ENTPD1: variants seen among roughly 807,000 people sequenced by gnomAD.
ENTPD1 encodes ATP diphosphohydrolase.
ENTPD1 carries 33 observed loss-of-function variants against 57.0 expected under a neutral mutation model. That is an observed-to-expected ratio of 0.58 (90% confidence interval 0.44 to 0.77). The LOEUF (loss-of-function observed/expected upper bound fraction) is 0.77. ENTPD1 is among the 30% of genes least tolerant of loss of function. ENTPD1 has a pLI of 0.00. For missense variants in ENTPD1, 501 were observed against 603.4 expected (o/e 0.83, Z 1.78); for synonymous variants, 202 against 218.8 (o/e 0.92, Z 0.68).
chr10:95,808,722 T>TG (rs1214662416), intron 1 of ENTPD1, among the ~76,000 whole-genome samples: 8 of 147,328 alleles, frequency 5.4e-5, no homozygotes, highest in Non-Finnish European at 1.2e-4. Context: ...TTTAGTTGCT[T>TG]TTTTTTTTTT....
At chr10:95,813,177 T>A (rs2098315070) in intron 1 of ENTPD1, among the ~76,000 whole-genome samples, 1 of 152,134 alleles carries the variant, frequency 6.6e-6, no homozygotes, top group African/African-American at 2.4e-5. Context: ...TTGGGAAGTA[T>A]AGCCTCCAGT....
chr10:95,733,873 A>G (rs2139856654), intron 1 of ENTPD1, among the ~76,000 whole-genome samples: 1 of 152,316 alleles, frequency 6.6e-6, no homozygotes, highest in East Asian at 1.9e-4. Context: ...TCCCTAAAGC[A>G]ATAAGGTAAT....
chr10:95,820,363 T>A (rs913879160), intron 1 of ENTPD1, among the ~76,000 whole-genome samples: 1 of 152,194 alleles, frequency 6.6e-6, no homozygotes, highest in African/African-American at 2.4e-5. Flanking sequence ...ATATCTTTAA[T>A]AAGAAATAAG....
chr10:95,787,370 A>T (rs2098184216), intron 1 of ENTPD1, among the ~76,000 whole-genome samples: 1 of 152,176 alleles, frequency 6.6e-6, no homozygotes, highest in South Asian at 2.1e-4. Context: ...GCTTGGAAGG[A>T]TGGGCCTACT....
intron 2 of ENTPD1, among the ~76,000 whole-genome samples, chr10:95,826,115 TG>T (rs529416411): frequency 1.0e-3 from 156 of 152,310 alleles, no homozygotes; most frequent in African/African-American, 3.6e-3. Context: ...GCTTACCATC[TG>T]GGGAAGCAAA....
At chr10:95,864,251 G>A (rs951337159) in intron 8 of ENTPD1, among the ~76,000 whole-genome samples, 1 of 152,194 alleles carries the variant, frequency 6.6e-6, no homozygotes, top group Non-Finnish European at 1.5e-5. Flanking sequence ...TTGGGATGCA[G>A]ATTCTGAATT....
rs2098384625 is a variant in ENTPD1, at chr10:95,828,252, T to C, written c.144+4888T>C. Among the ~76,000 whole-genome samples the C allele has an allele frequency of 3.3e-5, 5 of 152,186 alleles. No individual in the cohort carries two copies. In the South Asian group the frequency reaches 1.0e-3, roughly 32 times the overall value. ...AACCCTATTGTGAACTGCACATATG[T>C]AGGATCGGGATTGCGTGCTCCTTGT... On this transcript the variant is annotated intron_variant, in intron 2 of 9. Coordinates refer to ENST00000371205, the MANE Select transcript of ENTPD1 (RefSeq NM_001776.6).
chr10:95,848,535 A>G lies in ENTPD1; in HGVS notation c.1074+829A>G, dbSNP rs2098439523. 2.0e-5 allele frequency among the ~76,000 whole-genome samples: 3 copies of G among 152,004 alleles called. No homozygotes were observed. The South Asian group carries it at 6.2e-4, about 32-fold the overall frequency. On this transcript the variant is annotated intron_variant, in intron 7 of 9. Transcript: ENST00000371205. Reference sequence around the variant, plus strand: ...GATTTCTGGGATATTGCTGGTGATAATCTCAGTGCTGTACATTTGTTTCTG... The same window carrying G: ...GATTTCTGGGATATTGCTGGTGATAGTCTCAGTGCTGTACATTTGTTTCTG...
chr10:95,703,642 C>T, the ENTPD1 span, among the ~76,000 whole-genome samples: 3 of 151,938 alleles, frequency 2.0e-5, no homozygotes, highest in Admixed American at 6.6e-5. Context: ...ATTAGCCAGG[C>T]GTGGTGGCAG....
chr10:95,821,885 T>C (rs2098352880), intron 1 of ENTPD1, among the ~76,000 whole-genome samples: 1 of 151,772 alleles, frequency 6.6e-6, no homozygotes. Context: ...GTTTGGGGAG[T>C]TGAGAGAGGA....
At chr10:95,755,572 T>A, upstream of ENTPD1, 1 of 824,886 alleles carries the variant, frequency 1.2e-6, no homozygotes, top group Non-Finnish European at 1.9e-6. Flanking sequence ...CGGTTCCCAT[T>A]GAGCAGCTCC....
chr10:95,789,478 T>C (rs1212954037), intron 1 of ENTPD1, among the ~76,000 whole-genome samples: 2 of 152,190 alleles, frequency 1.3e-5, no homozygotes, highest in African/African-American at 4.8e-5. Flanking sequence ...TAAAAAATTT[T>C]GGCAGTCTCT....
At chr10:95,755,531 GGATGACTTT>G, upstream of ENTPD1, 1 of 624,786 alleles carries the variant, frequency 1.6e-6, no homozygotes, top group South Asian at 2.1e-5. Flanking sequence ...GGGAAATGGT[GGATGACTTT>G]CATCAATTCA....
intron 1 of ENTPD1, among the ~76,000 whole-genome samples, chr10:95,774,988 G>T (rs1306504188): frequency 6.6e-6 from 1 of 152,110 alleles, no homozygotes; most frequent in African/African-American, 2.4e-5. Flanking sequence ...CCATTTGTTT[G>T]TGTCCTTTTT....
At chr10:95,861,299 C>G (rs1488867066) in intron 8 of ENTPD1, 2 of 152,482 alleles carry the variant, frequency 1.3e-5, no homozygotes, top group African/African-American at 2.4e-5. Context: ...CAATTTTTTT[C>G]TTATCAGAGG....
chr10:95,809,796 G>A (rs7900437), intron 1 of ENTPD1, among the ~76,000 whole-genome samples: 5,422 of 149,154 alleles, frequency 0.036, 129 homozygotes, highest in Non-Finnish European at 0.048. Context: ...CAGACGGGGC[G>A]GCGGGGCAGA....
At chr10:95,717,776 T>C (rs1566087035) in intron 1 of ENTPD1, among the ~76,000 whole-genome samples, 2 of 152,098 alleles carry the variant, frequency 1.3e-5, no homozygotes, top group Non-Finnish European at 2.9e-5. Context: ...TGGGGCATGA[T>C]AGGGGTCGTG....
At chr10:95,761,314 G>T (rs2098061145) in intron 1 of ENTPD1, among the ~76,000 whole-genome samples, 1 of 152,146 alleles carries the variant, frequency 6.6e-6, no homozygotes, top group African/African-American at 2.4e-5. Context: ...ACTTTAGCAT[G>T]AGTATGTATC....
chr10:95,756,270 G>C lies in ENTPD1; in HGVS notation c.16+15G>C, dbSNP rs774986958. ...AGATACAAAGGGTAAGACCAAAATT[G>C]ATTTGATCTGAATCCTTAAGAAAAA... On this transcript the variant is annotated intron_variant, in intron 1 of 9. Coordinates refer to ENST00000371205, the MANE Select transcript of ENTPD1 (RefSeq NM_001776.6). The C allele has an allele frequency of 5.1e-6, 8 of 1,583,172 alleles. No homozygotes were observed. The East Asian group carries it at 1.8e-4, about 37-fold the overall frequency.
Sources: gnomAD v4.1 joint callset for allele counts (sites outside exome capture counted in the v4.1 genomes callset) on GRCh38, gnomAD v4.1.1 for gene constraint, MANE v1.5 for transcripts, NCBI Gene and HGNC (gene_info 2026-07-23, HGNC 2026-07-21) for gene names.